NTRK3: variants seen among roughly 807,000 people sequenced by gnomAD.
The protein encoded by NTRK3 is neurotrophic receptor tyrosine kinase 3.
In NTRK3, 24 loss-of-function variants were observed where a neutral mutation model predicts 91.7. That is an observed-to-expected ratio of 0.26 (90% CI 0.19 to 0.37). NTRK3 has a LOEUF of 0.37. Ranked by LOEUF, NTRK3 falls within the 10% of genes least tolerant of loss-of-function variation. The pLI is 1.00. For missense variants in NTRK3, 880 were observed against 1,068.9 expected (o/e 0.82, Z 2.46); for synonymous variants, 483 against 404.0 (o/e 1.20, Z -2.34).
At chr15:87,944,074 C>A (rs1217537767) in intron 14 of NTRK3, among the ~76,000 whole-genome samples, 1 of 152,184 alleles carries the variant, frequency 6.6e-6, no homozygotes, top group African/African-American at 2.4e-5. Flanking sequence ...CAATACCTGT[C>A]CTTAGCCCTG....
At chr15:88,206,526 C>G (rs374228302) in intron 3 of NTRK3, among the ~76,000 whole-genome samples, 1 of 150,642 alleles carries the variant, frequency 6.6e-6, no homozygotes, top group South Asian at 2.1e-4. Flanking sequence ...GGCGCGGTGG[C>G]GGGCGCCTGT....
At chr15:88,042,145 G>A (rs568100902) in intron 13 of NTRK3, among the ~76,000 whole-genome samples, 116 of 152,218 alleles carry the variant, frequency 7.6e-4, no homozygotes, top group Non-Finnish European at 1.3e-3. Context: ...CGAGAGCTTC[G>A]CATCAACAAA....
chr15:88,095,746 G>C (rs780049573), intron 13 of NTRK3, among the ~76,000 whole-genome samples: 1 of 152,188 alleles, frequency 6.6e-6, no homozygotes, highest in Non-Finnish European at 1.5e-5. Context: ...GAGGTAGGGC[G>C]TAAAGGTGAA....
At chr15:88,224,508 T>C (rs894680221) in intron 3 of NTRK3, among the ~76,000 whole-genome samples, 5 of 152,234 alleles carry the variant, frequency 3.3e-5, no homozygotes, top group African/African-American at 1.2e-4. Context: ...CTCAGTTTCC[T>C]CTTCTGTCCA....
chr15:88,177,612 G>A (rs1229993766), intron 5 of NTRK3, among the ~76,000 whole-genome samples: 2 of 152,210 alleles, frequency 1.3e-5, no homozygotes. Context: ...AAGAGGTTAG[G>A]AGGAAGGGCT....
intron 13 of NTRK3, among the ~76,000 whole-genome samples, chr15:88,111,118 T>A (rs755246174): frequency 2.6e-4 from 39 of 152,200 alleles, no homozygotes; most frequent in Non-Finnish European, 4.7e-4. Context: ...TGATGAGCGA[T>A]GGGGTGGGGG....
chr15:88,027,976 C>T (rs2141966178), intron 14 of NTRK3, among the ~76,000 whole-genome samples: 1 of 151,838 alleles, frequency 6.6e-6, no homozygotes, highest in African/African-American at 2.4e-5. Flanking sequence ...GAAGAATTCA[C>T]AAGAAGCGAG....
chr15:87,912,934 ATATATAT>A (rs2067195385), intron 17 of NTRK3, among the ~76,000 whole-genome samples: 32 of 21,730 alleles, frequency 1.5e-3, no homozygotes, highest in East Asian at 1.9e-3. Flanking sequence ...AAAAAAAAAT[ATATATAT>A]ATATATATAT....
At chr15:88,099,444 T>C (rs891486831) in intron 13 of NTRK3, among the ~76,000 whole-genome samples, 4 of 152,188 alleles carry the variant, frequency 2.6e-5, no homozygotes, top group Admixed American at 2.0e-4. Context: ...AGACGTGTAT[T>C]ATGAACAGGA....
At chr15:87,994,873 G>C (rs1473962421) in intron 14 of NTRK3, among the ~76,000 whole-genome samples, 1 of 152,104 alleles carries the variant, frequency 6.6e-6, no homozygotes, top group Non-Finnish European at 1.5e-5. Context: ...ATTTAGATGT[G>C]GGCACTGGTA....
At chr15:87,880,507 T>C (rs2065181067) in intron 17 of NTRK3, 79 bp from the exon 19 acceptor site, 1 of 1,461,502 alleles carries the variant, frequency 6.8e-7, no homozygotes, top group South Asian at 1.2e-5. Context: ...TCTTCACACA[T>C]AGATGCACTC....
chr15:88,200,358 G>A (rs1000417759), intron 3 of NTRK3, among the ~76,000 whole-genome samples: 1 of 152,198 alleles, frequency 6.6e-6, no homozygotes, highest in Non-Finnish European at 1.5e-5. Context: ...CTATGTGCCA[G>A]CTCCCTCTGC....
chr15:87,910,159 G>C (rs1412207101), intron 17 of NTRK3, among the ~76,000 whole-genome samples: 1 of 152,138 alleles, frequency 6.6e-6, no homozygotes, highest in Non-Finnish European at 1.5e-5. Context: ...TTTATATTTT[G>C]GTGAAATGAA....
chr15:88,118,697 G>A lies in NTRK3; in HGVS notation c.1396+7574C>T, dbSNP rs1484974534. On this transcript the variant is annotated intron_variant, in intron 13 of 18. Coordinates refer to ENST00000394480, the Ensembl canonical transcript of NTRK3. The stretch of plus-strand genomic sequence containing the variant: ...GTTTCCTAAGGTGTAAAATTACTGT[G>A]AGAGCCAGCACTTTTGGGAAAGCCC... Among the ~76,000 whole-genome samples, 5 of 152,296 alleles carry A rather than the reference G, an allele frequency of 3.3e-5. No individual in the cohort carries two copies. The East Asian group carries it at 7.7e-4, about 23-fold the overall frequency.
chr15:88,113,961 T>C (rs1281641666), intron 13 of NTRK3, among the ~76,000 whole-genome samples: 1 of 152,142 alleles, frequency 6.6e-6, no homozygotes, highest in East Asian at 1.9e-4. Flanking sequence ...TATCAAGGTA[T>C]GAGATTCAGT....
Position 88,255,192 on chromosome 15 carries a change from C to A in NTRK3, c.248+714G>T, listed in dbSNP as rs1261390508. The stretch of plus-strand genomic sequence containing the variant: ...GAATAGTTCCGAGCAGTTATCAAAG[C>A]CCAAACTGGGAAGGGATCTGTAGGC... On this transcript the variant is annotated intron_variant, in intron 3 of 18. Coordinates refer to ENST00000394480, the Ensembl canonical transcript of NTRK3. The surrounding 1 kb of genome is among the most constrained non-coding windows in gnomAD (Gnocchi z 4.3). Among the ~76,000 whole-genome samples, 1 of 152,104 alleles carries A rather than the reference C, an allele frequency of 6.6e-6. No homozygotes were observed. The highest frequency in any genetic ancestry group is 1.9e-4 in the East Asian group (1 of 5,160).
At chr15:88,039,118 AACACACACACACACACACACACACACAC>A (rs66499066) in intron 13 of NTRK3, among the ~76,000 whole-genome samples, 1 of 139,308 alleles carries the variant, frequency 7.2e-6, no homozygotes, top group Admixed American at 7.1e-5. Context: ...TTGAGCCCTC[AACACACACACACACACACACACACACAC>A]ACACACACAC....
chr15:88,118,902 C>G (rs558042879), intron 13 of NTRK3, among the ~76,000 whole-genome samples: 2 of 152,224 alleles, frequency 1.3e-5, no homozygotes, highest in Non-Finnish European at 2.9e-5. Flanking sequence ...CTCAATGAAT[C>G]TGAGATGCCA....
At chr15:87,885,458 A>C (rs2065482475) in intron 17 of NTRK3, among the ~76,000 whole-genome samples, 1 of 151,958 alleles carries the variant, frequency 6.6e-6, no homozygotes, top group Admixed American at 6.6e-5. Flanking sequence ...GATATACTTG[A>C]AATAGAACAA....
Sources: gnomAD v4.1 joint callset for allele counts (sites outside exome capture counted in the v4.1 genomes callset) on GRCh38, gnomAD v4.1.1 for gene constraint, Gnocchi (gnomAD v3.1) non-coding constraint, MANE v1.5 for transcripts, NCBI Gene and HGNC (gene_info 2026-07-23, HGNC 2026-07-21) for gene names.